The following CFAP107 variants were observed in gnomAD, a reference collection of about 807,000 sequenced individuals.
CFAP107 encodes cilia- and flagella-associated protein 107.
At chr1:12,746,570 G>A in the CFAP107 span, 1 of 1,507,048 alleles carries the variant, frequency 6.6e-7, no homozygotes, top group South Asian at 1.1e-5. Context: ...TTGGAGAGAG[G>A]GCTCAGAGGG....
chr1:12,759,300 G>A, the CFAP107 span: 2 of 1,612,882 alleles, frequency 1.2e-6, no homozygotes, highest in East Asian at 4.5e-5. Context: ...CACTGTGTCT[G>A]TCCTTCCAGG....
the CFAP107 span, chr1:12,759,322 A>G: frequency 6.2e-7 from 1 of 1,613,734 alleles, no homozygotes; most frequent in Non-Finnish European, 8.5e-7. Context: ...GCTACCTTAC[A>G]AACACCTGAT....
chr1:12,753,662 T>G, the CFAP107 span: 1 of 152,160 alleles, frequency 6.6e-6, no homozygotes, highest in African/African-American at 2.4e-5. Flanking sequence ...AAAGTGGATA[T>G]CTAGGTGCGA....
At chr1:12,761,180 A>G in the CFAP107 span, 2 of 507,188 alleles carry the variant, frequency 3.9e-6, no homozygotes, top group Non-Finnish European at 7.0e-6. Flanking sequence ...TTGCAGGGCT[A>G]TGTACGTGCA....
chr1:12,763,339 C>G, the CFAP107 span: 1 of 152,118 alleles, frequency 6.6e-6, no homozygotes, highest in African/African-American at 2.4e-5. Flanking sequence ...CAAGCTTGTG[C>G]GAAAGTAAAG....
the CFAP107 span, among the ~76,000 whole-genome samples, chr1:12,760,509 G>A: frequency 2.0e-5 from 3 of 152,320 alleles, no homozygotes; most frequent in South Asian, 6.2e-4. Flanking sequence ...CCATGGGGCT[G>A]ACTTTTCCAA....
the CFAP107 span, among the ~76,000 whole-genome samples, chr1:12,757,271 C>G: frequency 6.6e-6 from 1 of 152,068 alleles, no homozygotes; most frequent in African/African-American, 2.4e-5. Flanking sequence ...CTCCACCCAC[C>G]ACCCCCCCGC....
At chr1:12,746,578 G>A in the CFAP107 span, 3 of 1,398,304 alleles carry the variant, frequency 2.1e-6, no homozygotes, top group East Asian at 4.6e-5. Flanking sequence ...AGGGCTCAGA[G>A]GGACTGATGG....
At chr1:12,759,635 T>C in the CFAP107 span, 4 of 888,904 alleles carry the variant, frequency 4.5e-6, no homozygotes, top group Admixed American at 4.0e-5. Context: ...CTGAGTTCTA[T>C]TGTACCCTCA....
the CFAP107 span, among the ~76,000 whole-genome samples, chr1:12,749,160 C>T: frequency 6.6e-6 from 1 of 152,140 alleles, no homozygotes; most frequent in African/African-American, 2.4e-5. Flanking sequence ...CATAAATCTA[C>T]AAATCCAAGA....
At chr1:12,761,796 A>G in the CFAP107 span, 1 of 152,244 alleles carries the variant, frequency 6.6e-6, no homozygotes, top group Middle Eastern at 3.1e-3. Flanking sequence ...CGGCCTCCCA[A>G]AGTGCTGGGA....
the CFAP107 span, chr1:12,755,920 A>T: frequency 2.7e-6 from 2 of 740,414 alleles, no homozygotes; most frequent in Admixed American, 2.6e-5. Context: ...GGAAATCAGG[A>T]GTAGTCTCAT....
the CFAP107 span, chr1:12,746,502 G>A: frequency 5.4e-4 from 871 of 1,613,442 alleles, 1 homozygote; most frequent in Non-Finnish European, 6.7e-4. Flanking sequence ...AGTATTCAAC[G>A]AAAGTGCTCA....
At chr1:12,760,819 C>T in the CFAP107 span, 2 of 1,614,054 alleles carry the variant, frequency 1.2e-6, no homozygotes, top group Non-Finnish European at 1.7e-6. Context: ...AGAGACAGCT[C>T]ACACCCAAGG....
chr1:12,759,427 C>T, the CFAP107 span: 142 of 1,614,190 alleles, frequency 8.8e-5, 1 homozygote, highest in Middle Eastern at 6.6e-4. Flanking sequence ...GCCTCCACTC[C>T]GCACTTGGAA....
the CFAP107 span, among the ~76,000 whole-genome samples, chr1:12,757,367 C>A: frequency 6.8e-6 from 1 of 147,756 alleles, no homozygotes; most frequent in Non-Finnish European, 1.5e-5. Flanking sequence ...CTTTCTTTTT[C>A]TTTTTTTTCC....
the CFAP107 span, chr1:12,763,292 T>C: frequency 6.6e-6 from 1 of 152,164 alleles, no homozygotes; most frequent in African/African-American, 2.4e-5. Flanking sequence ...TACAAATTTA[T>C]GTTGGGCCAC....
chr1:12,755,832 T>TG, the CFAP107 span: 1 of 1,530,964 alleles, frequency 6.5e-7, no homozygotes, highest in Non-Finnish European at 9.1e-7. Context: ...GAGTGGCAAC[T>TG]GGGACACTCA....
At chr1:12,759,629 G>T in the CFAP107 span, 1 of 926,610 alleles carries the variant, frequency 1.1e-6, no homozygotes. Context: ...TAGGGGCTGA[G>T]TTCTATTGTA....
Sources: allele counts gnomAD v4.1 joint callset (sites outside exome capture counted in the v4.1 genomes callset), GRCh38; gene constraint gnomAD v4.1.1; transcripts MANE v1.5; gene names NCBI Gene and HGNC (gene_info 2026-07-23, HGNC 2026-07-21).